The following TYW1 variants were observed in gnomAD, a reference collection of about 807,000 sequenced individuals.
TYW1 encodes S-adenosyl-L-methionine-dependent tRNA 4-demethylwyosine synthase TYW1.
In TYW1, 46 loss-of-function variants were observed where a neutral mutation model predicts 96.2. The ratio of observed to expected loss-of-function variants is 0.48; its 90% CI spans 0.38 to 0.61. The LOEUF (loss-of-function observed/expected upper bound fraction) is 0.61, where lower values mean the gene tolerates loss of function less well. Ranked by LOEUF, TYW1 falls within the 20% of genes least tolerant of loss-of-function variation. The pLI is 0.00. For missense variants in TYW1, 684 were observed against 909.6 expected (o/e 0.75, Z 3.19); for synonymous variants, 274 against 323.0 (o/e 0.85, Z 1.63).
chr7:67,212,680 T>G (rs201937770), intron 15 of TYW1, among the ~76,000 whole-genome samples: 16 of 147,472 alleles, frequency 1.1e-4, no homozygotes, highest in East Asian at 8.0e-4. Flanking sequence ...TGTTTTTTTT[T>G]GTTTTTTTTG....
chr7:67,184,001 T>C (rs1255324048), intron 14 of TYW1, among the ~76,000 whole-genome samples: 2 of 152,002 alleles, frequency 1.3e-5, no homozygotes, highest in African/African-American at 4.8e-5. Flanking sequence ...CTATTTTTTG[T>C]AGCGAGAAGG....
At chr7:67,199,950 T>A (rs1800537042) in intron 15 of TYW1, among the ~76,000 whole-genome samples, 2 of 150,304 alleles carry the variant, frequency 1.3e-5, no homozygotes, top group Admixed American at 6.6e-5. Flanking sequence ...GGAGGGAGGA[T>A]GGAAGGAAAG....
intron 6 of TYW1, among the ~76,000 whole-genome samples, chr7:67,018,870 C>T (rs544393295): frequency 8.0e-5 from 12 of 149,718 alleles, no homozygotes; most frequent in South Asian, 2.2e-4. Context: ...GCACGAGAAT[C>T]GCTTGAACCC....
At chr7:67,237,178 G>A (rs951146166) in intron 15 of TYW1, among the ~76,000 whole-genome samples, 3 of 147,366 alleles carry the variant, frequency 2.0e-5, no homozygotes, top group African/African-American at 7.7e-5. Flanking sequence ...GAGCCACCGT[G>A]CCTGGCCATT....
rs181681763 is a variant in TYW1 at position 67,077,557 on chromosome 7, C to T, written c.1275-5873C>T. On this transcript the variant is annotated intron_variant, in intron 10 of 15. Transcript: ENST00000359626. ...TGTTCTTTTGAGAAATGTCTATTTA[C>T]ATCATTCGACCTTTTAAAAATCAGA... Among the ~76,000 whole-genome samples the T allele has an allele frequency of 7.5e-3, 1,138 of 152,306 alleles. 12 individuals carry two copies. Among genetic ancestry groups the T allele is most frequent in the Middle Eastern group, 0.048 (14 of 294 alleles).
At chr7:67,209,169 A>G (rs948012148) in intron 15 of TYW1, among the ~76,000 whole-genome samples, 3 of 152,202 alleles carry the variant, frequency 2.0e-5, no homozygotes, top group Non-Finnish European at 1.5e-5. Flanking sequence ...AGCAGCGGAA[A>G]GACAAATCCC....
intron 13 of TYW1, among the ~76,000 whole-genome samples, chr7:67,146,911 T>C (rs1264199472): frequency 8.6e-6 from 1 of 116,264 alleles, no homozygotes; most frequent in African/African-American, 3.7e-5. Context: ...TAATGGTTGC[T>C]AGAGCCATCA....
intron 7 of TYW1, among the ~76,000 whole-genome samples, chr7:67,026,498 T>C (rs1374557726): frequency 6.6e-6 from 1 of 151,968 alleles, no homozygotes; most frequent in Non-Finnish European, 1.5e-5. Flanking sequence ...GTAGAGTGAC[T>C]CAGAATGGTA....
intron 13 of TYW1, among the ~76,000 whole-genome samples, chr7:67,176,618 C>T (rs549320335): frequency 2.6e-5 from 4 of 152,080 alleles, no homozygotes; most frequent in Non-Finnish European, 5.9e-5. Flanking sequence ...TGTTGAGCAA[C>T]ACTGGCTTAT....
chr7:67,207,683 T>TG (rs1554393582), intron 15 of TYW1, among the ~76,000 whole-genome samples: 1 of 111,576 alleles, frequency 9.0e-6, no homozygotes, highest in Admixed American at 8.7e-5. Flanking sequence ...TTGTTTGCCT[T>TG]TTTTTTTTTT....
At chr7:67,165,316 C>T (rs1392732195) in intron 13 of TYW1, among the ~76,000 whole-genome samples, 1 of 152,122 alleles carries the variant, frequency 6.6e-6, no homozygotes, top group African/African-American at 2.4e-5. Flanking sequence ...AAATTAAAAG[C>T]TGTAATCCTG....
chr7:67,073,829 TC>T (rs1796119784), intron 10 of TYW1, among the ~76,000 whole-genome samples: 1 of 131,128 alleles, frequency 7.6e-6, no homozygotes, highest in Non-Finnish European at 1.6e-5. Context: ...ACGCCCATAA[TC>T]CCAGCACTTC....
chr7:67,018,491 T>C (rs1794104804), intron 6 of TYW1, among the ~76,000 whole-genome samples: 1 of 151,660 alleles, frequency 6.6e-6, no homozygotes, highest in South Asian at 2.1e-4. Context: ...CAGTGAGCTG[T>C]GATCATGCCA....
chr7:67,114,832 T>C (rs1797540879), intron 12 of TYW1, among the ~76,000 whole-genome samples: 1 of 152,196 alleles, frequency 6.6e-6, no homozygotes, highest in Admixed American at 6.5e-5. Context: ...TCTTTGCTAA[T>C]TTTGAGCCCC....
At chr7:67,212,951 C>T (rs1443946213) in intron 15 of TYW1, among the ~76,000 whole-genome samples, 1 of 152,160 alleles carries the variant, frequency 6.6e-6, no homozygotes, top group African/African-American at 2.4e-5. Context: ...TCTCAGCTCA[C>T]TGCAACCTCT....
At chr7:67,078,936 C>T (rs530393786) in intron 10 of TYW1, among the ~76,000 whole-genome samples, 7 of 152,226 alleles carry the variant, frequency 4.6e-5, no homozygotes, top group African/African-American at 1.7e-4. Flanking sequence ...ATTCATGATC[C>T]GCCCACCTTG....
At chr7:67,169,855 G>A (rs894129174) in intron 13 of TYW1, among the ~76,000 whole-genome samples, 3 of 152,156 alleles carry the variant, frequency 2.0e-5, no homozygotes, top group Non-Finnish European at 2.9e-5. Flanking sequence ...GTTTTAGTGT[G>A]AATATATGTT....
At chr7:67,116,697 CG>C (rs971255901) in intron 12 of TYW1, among the ~76,000 whole-genome samples, 20 of 151,166 alleles carry the variant, frequency 1.3e-4, no homozygotes, top group African/African-American at 4.9e-4. Context: ...GGGATTGGGC[CG>C]GGGGAAAAGA....
At position 67,067,364 on chromosome 7, in the gene TYW1, C is replaced by G. The variant is rs371136621; in HGVS notation, c.1235C>G (p.Pro412Arg). The G allele has an allele frequency of 6.2e-7, 1 of 1,613,930 alleles. No individual in the cohort carries two copies. Among genetic ancestry groups the G allele is most frequent in the Non-Finnish European group, 8.5e-7 (1 of 1,179,856 alleles). The change falls in exon 10 of 16, where the codon CCG becomes CGG. Residue 412 changes from proline to arginine, a missense_variant. Physicochemically the swap from Pro to Arg is moderately radical, Grantham distance 103. Transcript: ENST00000359626. Reference sequence around the variant, plus strand: ...AGCCATCGCTGCATGGAAACCACCCCGAGCTTGGCGTGTGCTAATAAATGT... The same window carrying G: ...AGCCATCGCTGCATGGAAACCACCCGGAGCTTGGCGTGTGCTAATAAATGT... ...IESHRCMETT[P>R]SLACANKCVF...
Sources: gnomAD v4.1 joint callset for allele counts (sites outside exome capture counted in the v4.1 genomes callset) on GRCh38, gnomAD v4.1.1 for gene constraint, MANE v1.5 for transcripts, NCBI Gene and HGNC (gene_info 2026-07-23, HGNC 2026-07-21) for gene names.